The following ZBBX variants were observed in gnomAD, a reference collection of about 807,000 sequenced individuals.
ZBBX encodes the protein zinc finger B-box domain-containing protein 1.
In ZBBX, 101 loss-of-function variants were observed where a neutral mutation model predicts 108.5. The observed-to-expected ratio is 0.93, with a 90% CI of 0.79 to 1.10. The LOEUF (loss-of-function observed/expected upper bound fraction) is 1.10, where lower values mean the gene tolerates loss of function less well. Among genes scored for constraint, ZBBX ranks in the 50% least tolerant of loss-of-function variants. The pLI, the probability that ZBBX is intolerant of heterozygous loss-of-function variation, is 0.00. For missense variants in ZBBX, 1,009 were observed against 941.4 expected (o/e 1.07, Z -0.94); for synonymous variants, 356 against 323.4 (o/e 1.10, Z -1.08).
chr3:167,384,598 G>A (rs1164782865), upstream of ZBBX, among the ~76,000 whole-genome samples: 2 of 152,016 alleles, frequency 1.3e-5, no homozygotes, highest in African/African-American at 2.4e-5. Flanking sequence ...CATGTAATCA[G>A]ATAGTAACCA....
At chr3:167,254,887 T>TGAGAGAGAGAGAGAGAATGAGAGA (rs1553782902) in intron 20 of ZBBX, among the ~76,000 whole-genome samples, 8 of 141,270 alleles carry the variant, frequency 5.7e-5, no homozygotes, top group African/African-American at 2.2e-4. Context: ...TGTGTGTGTG[T>TGAGAGAGAGAGAGAGAATGAGAGA]GAGAGAGAGA....
chr3:167,225,773 A>G, the ZBBX span, among the ~76,000 whole-genome samples: 3 of 151,824 alleles, frequency 2.0e-5, no homozygotes, highest in African/African-American at 7.2e-5. Flanking sequence ...ACAGTACTCC[A>G]TCACCTGGGA....
chr3:167,258,560 G>A (rs1723921121), intron 20 of ZBBX, among the ~76,000 whole-genome samples: 1 of 152,158 alleles, frequency 6.6e-6, no homozygotes, highest in African/African-American at 2.4e-5. Flanking sequence ...AGAGTGGTAA[G>A]AGTAGACATC....
the ZBBX span, among the ~76,000 whole-genome samples, chr3:167,196,051 A>G: frequency 6.6e-6 from 1 of 152,162 alleles, no homozygotes; most frequent in Non-Finnish European, 1.5e-5. Context: ...TATGGCCACT[A>G]TACATTCTTC....
intron 20 of ZBBX, among the ~76,000 whole-genome samples, chr3:167,247,486 T>A (rs2108337870): frequency 6.6e-6 from 1 of 152,268 alleles, no homozygotes. Flanking sequence ...CCAATTCTTC[T>A]GGGACACCAA....
In ZBBX at chr3:167,298,389, T is replaced by C; in HGVS notation, c.1795A>G (p.Ile599Val). The change falls in exon 18 of 22, where the codon ATT becomes GTT. Residue 599 changes from isoleucine (I) to valine (V), a missense_variant. By Grantham distance (29) the Ile-to-Val change is conservative. Coordinates refer to ENST00000675490, the MANE Select transcript of ZBBX (RefSeq NM_001199201.2). ...KQYQGLERFF[I>V]FDTNERLNLL... ...TTGAGTCTTTCATTTGTATCAAAAA[T>C]AAAGAATCTCTCAAGTCCTTGATAT... 1.9e-6 allele frequency: 3 copies of C among 1,598,004 alleles called. No homozygotes were observed. Among genetic ancestry groups the C allele is most frequent in the Non-Finnish European group, 2.6e-6 (3 of 1,170,316 alleles).
rs1484993139 is a variant in ZBBX at position 167,340,776 on chromosome 3, T to C, written c.529-6791A>G. Reference sequence around the variant, plus strand: ...TAGAGAAGCAAAGGGAAGAAATTTGTATATAGAAGACAACTGGAAAAGAAA... The same window carrying C: ...TAGAGAAGCAAAGGGAAGAAATTTGCATATAGAAGACAACTGGAAAAGAAA... On this transcript the variant is annotated intron_variant, in intron 9 of 21. Coordinates refer to ENST00000675490, the MANE Select transcript of ZBBX (RefSeq NM_001199201.2). Among the ~76,000 whole-genome samples the C allele has an allele frequency of 5.9e-5, 9 of 151,742 alleles. No homozygotes were observed. The South Asian group carries it at 1.2e-3, about 21-fold the overall frequency.
At chr3:167,208,135 G>A in the ZBBX span, among the ~76,000 whole-genome samples, 2 of 152,154 alleles carry the variant, frequency 1.3e-5, no homozygotes, top group African/African-American at 2.4e-5. Flanking sequence ...AGGCATGGGG[G>A]AGTCACCCAT....
intron 2 of ZBBX, among the ~76,000 whole-genome samples, chr3:167,377,530 A>G (rs960552178): frequency 2.6e-5 from 4 of 152,216 alleles, no homozygotes; most frequent in African/African-American, 9.6e-5. Context: ...GTGAATTAAC[A>G]TGTTTAGGCA....
At chr3:167,204,198 CTT>C in the ZBBX span, among the ~76,000 whole-genome samples, 2 of 118,100 alleles carry the variant, frequency 1.7e-5, no homozygotes, top group Non-Finnish European at 1.8e-5. Flanking sequence ...TTCTTTTTTT[CTT>C]TTTTTTTTTT....
the ZBBX span, among the ~76,000 whole-genome samples, chr3:167,208,424 A>G: frequency 0.029 from 4,357 of 152,214 alleles, 77 homozygotes; most frequent in East Asian, 0.066. Context: ...CCTTGAGGAG[A>G]AGAGAGAGGA....
chr3:167,261,831 T>C (rs1270502397), intron 20 of ZBBX, among the ~76,000 whole-genome samples: 1 of 149,160 alleles, frequency 6.7e-6, no homozygotes, highest in East Asian at 2.0e-4. Context: ...TTCCCCTACC[T>C]GTGGAGTCTG....
At chr3:167,330,270 T>C (rs559585594) in intron 10 of ZBBX, among the ~76,000 whole-genome samples, 62 of 152,226 alleles carry the variant, frequency 4.1e-4, no homozygotes, top group Non-Finnish European at 6.8e-4. Context: ...AAAAAATACA[T>C]ACAAAACCAG....
At chr3:167,394,283 G>A (rs952846054) in intron 1 of ZBBX, among the ~76,000 whole-genome samples, 1 of 151,792 alleles carries the variant, frequency 6.6e-6, no homozygotes, top group Non-Finnish European at 1.5e-5. Context: ...TCTTTACAAA[G>A]CTAATGGCTA....
intron 10 of ZBBX, among the ~76,000 whole-genome samples, chr3:167,332,734 G>C (rs527700414): frequency 6.6e-6 from 1 of 152,270 alleles, no homozygotes; most frequent in South Asian, 2.1e-4. Flanking sequence ...AGGGAGGCAC[G>C]AAGAAGAAAC....
At position 167,315,818 on chromosome 3, in the gene ZBBX, C is replaced by A; in HGVS notation, c.1206G>T (p.Glu402Asp). Residue 402 changes from glutamate to aspartate, a missense_variant, in exon 15 of 22, where the codon GAG (glutamate) becomes GAT (aspartate). Physicochemically the swap from Glu to Asp is conservative, Grantham distance 45. Transcript: ENST00000675490. ...KIVELDDTYE[E>D]EFEEAENIVP... ...CAATATTTTCTGCTTCTTCAAATTC[C>A]TCTTCATAAGTCTTATTAAATTAAT... 1.2e-6 allele frequency: 2 copies of A among 1,600,764 alleles called. No individual in the cohort carries two copies. Among genetic ancestry groups the A allele is most frequent in the Non-Finnish European group, 1.7e-6 (2 of 1,171,166 alleles).
intron 16 of ZBBX, among the ~76,000 whole-genome samples, chr3:167,311,564 C>CA (rs971796862): frequency 6.6e-6 from 1 of 151,904 alleles, no homozygotes; most frequent in African/African-American, 2.4e-5. Flanking sequence ...GCAAAACATA[C>CA]AAAAAACTCT....
At chr3:167,405,466 G>T (rs1387954346) in intron 1 of ZBBX, among the ~76,000 whole-genome samples, 9 of 152,116 alleles carry the variant, frequency 5.9e-5, no homozygotes, top group Admixed American at 5.9e-4. Flanking sequence ...GAGATAAGTG[G>T]TACAGAAAAG....
At chr3:167,350,398 A>C in intron 9 of ZBBX, 22 bp downstream of exon 9, 1 of 1,550,010 alleles carries the variant, frequency 6.5e-7, no homozygotes, top group Non-Finnish European at 8.8e-7. Context: ...CACTACAAGT[A>C]AATCATTTTA....
Sources: allele counts gnomAD v4.1 joint callset (sites outside exome capture counted in the v4.1 genomes callset), GRCh38; gene constraint gnomAD v4.1.1; transcripts MANE v1.5; gene names NCBI Gene and HGNC (gene_info 2026-07-23, HGNC 2026-07-21).